Variants in CLVS1 observed in about 807,000 individuals in gnomAD.
CLVS1 encodes the protein clavesin-1.
Under a neutral mutation model 33.1 loss-of-function variants are expected in CLVS1, and 10 were observed. The observed-to-expected ratio is 0.30, with a 90% confidence interval of 0.19 to 0.51. The LOEUF is 0.51. Ranked by LOEUF, CLVS1 falls within the 20% of genes least tolerant of loss-of-function variation. CLVS1 has a pLI of 0.97. For synonymous variants in CLVS1, 163 were observed against 166.1 expected (o/e 0.98, Z 0.14); for missense variants, 343 against 433.4 (o/e 0.79, Z 1.85).
chr8:61,046,425 T>G, the CLVS1 span, among the ~76,000 whole-genome samples: 1 of 147,030 alleles, frequency 6.8e-6, no homozygotes, highest in Non-Finnish European at 1.5e-5. Context: ...GGTAGTGTGA[T>G]GCCTCCAGCT....
chr8:61,499,716 G>C lies in CLVS1; in HGVS notation c.*174G>C. The C allele has an allele frequency of 2.3e-6, 1 of 442,562 alleles. No homozygotes were observed. The highest frequency in any genetic ancestry group is 4.1e-6 in the Non-Finnish European group (1 of 244,408). The allele number at this position is 442,562 out of a possible 1,614,324, so 27.4% of individuals were successfully genotyped here. ...CCATCGGTCTGAGCAGCCAAAGTTGGACAAAGACTTGAGAGATGCTTTTTT... is the reference window on the plus strand; with the variant it reads ...CCATCGGTCTGAGCAGCCAAAGTTGCACAAAGACTTGAGAGATGCTTTTTT... On this transcript the variant is annotated 3_prime_UTR_variant, in exon 6 of 6. Transcript: ENST00000325897.
chr8:61,124,259 A>G (rs1805932283), intron 1 of CLVS1, among the ~76,000 whole-genome samples: 1 of 152,212 alleles, frequency 6.6e-6, no homozygotes, highest in Admixed American at 6.5e-5. Flanking sequence ...CGAGGAATAT[A>G]TATAACCAAA....
At chr8:61,253,570 G>A (rs1808999462) in intron 2 of CLVS1, among the ~76,000 whole-genome samples, 1 of 152,184 alleles carries the variant, frequency 6.6e-6, no homozygotes, top group South Asian at 2.1e-4. Flanking sequence ...ATCAGACGTA[G>A]ATTTGGTCTT....
intron 1 of CLVS1, among the ~76,000 whole-genome samples, chr8:61,087,468 C>T (rs189528829): frequency 1.6e-4 from 24 of 152,236 alleles, no homozygotes; most frequent in Admixed American, 3.3e-4. Flanking sequence ...TTCCTCTCCC[C>T]CCTCCTCATG....
intron 2 of CLVS1, among the ~76,000 whole-genome samples, chr8:61,303,987 T>C (rs16927165): frequency 0.023 from 3,512 of 152,296 alleles, 136 homozygotes; most frequent in African/African-American, 0.077. Context: ...GGGCAATGAA[T>C]GTGAACTACG....
At chr8:61,232,367 G>A (rs766334113) in intron 2 of CLVS1, among the ~76,000 whole-genome samples, 6 of 152,082 alleles carry the variant, frequency 3.9e-5, no homozygotes, top group Non-Finnish European at 7.4e-5. Context: ...TTAAGGTACA[G>A]TTTGCACAGG....
At chr8:61,484,637 A>T (rs1211213369) in intron 5 of CLVS1, among the ~76,000 whole-genome samples, 2 of 152,314 alleles carry the variant, frequency 1.3e-5, no homozygotes, top group African/African-American at 2.4e-5. Flanking sequence ...CATTGCCAAG[A>T]CAATCCTAAC....
At chr8:61,492,537 T>C (rs1804130113) in intron 5 of CLVS1, among the ~76,000 whole-genome samples, 1 of 152,176 alleles carries the variant, frequency 6.6e-6, no homozygotes, top group African/African-American at 2.4e-5. Flanking sequence ...GGGGTCTTTC[T>C]TCTTTGTTAC....
intron 2 of CLVS1, among the ~76,000 whole-genome samples, chr8:61,256,363 A>G (rs1809081950): frequency 1.3e-5 from 2 of 152,204 alleles, no homozygotes; most frequent in Non-Finnish European, 2.9e-5. Flanking sequence ...AAATACAAAA[A>G]TTAGCCGGGC....
chr8:61,077,728 T>A (rs80237009), intron 1 of CLVS1, among the ~76,000 whole-genome samples: 3 of 149,404 alleles, frequency 2.0e-5, no homozygotes, highest in Non-Finnish European at 3.0e-5. Flanking sequence ...CCAGGATTTT[T>A]AAATAGGTGC....
chr8:61,456,668 GC>G (rs1817169749), intron 4 of CLVS1, among the ~76,000 whole-genome samples: 1 of 152,056 alleles, frequency 6.6e-6, no homozygotes, highest in Non-Finnish European at 1.5e-5. Context: ...TGTAATCCCA[GC>G]ACTTTGGGAG....
At chr8:61,495,185 T>G (rs556603424) in intron 5 of CLVS1, among the ~76,000 whole-genome samples, 18 of 152,228 alleles carry the variant, frequency 1.2e-4, no homozygotes, top group African/African-American at 4.1e-4. Flanking sequence ...GAAAGATAAT[T>G]TTTTTCTTCA....
chr8:61,047,505 C>A, the CLVS1 span, among the ~76,000 whole-genome samples: 2 of 152,122 alleles, frequency 1.3e-5, no homozygotes, highest in Non-Finnish European at 2.9e-5. Flanking sequence ...ATGTTTATTG[C>A]GGCACTATTC....
chr8:61,411,566 G>T (rs1363643498), intron 3 of CLVS1, among the ~76,000 whole-genome samples: 1 of 152,142 alleles, frequency 6.6e-6, no homozygotes, highest in Non-Finnish European at 1.5e-5. Context: ...CAGCTCTCCA[G>T]GACTAGTAAT....
intron 2 of CLVS1, among the ~76,000 whole-genome samples, chr8:61,250,130 G>C (rs1808903516): frequency 6.6e-6 from 1 of 152,038 alleles, no homozygotes; most frequent in Admixed American, 6.6e-5. Context: ...TCCGTTTTCT[G>C]CATAGGGCTA....
At chr8:61,254,314 G>T (rs986116270) in intron 2 of CLVS1, among the ~76,000 whole-genome samples, 3 of 152,228 alleles carry the variant, frequency 2.0e-5, no homozygotes, top group Admixed American at 6.5e-5. Flanking sequence ...GCTGTGTGAG[G>T]TGTCAGTCTG....
chr8:61,298,851 A>G (rs1810318014), intron 1 of CLVS1, among the ~76,000 whole-genome samples: 1 of 152,222 alleles, frequency 6.6e-6, no homozygotes, highest in Non-Finnish European at 1.5e-5. Context: ...TATCATTATC[A>G]TAAGTAAAAC....
intron 2 of CLVS1, among the ~76,000 whole-genome samples, chr8:61,267,332 G>GT (rs1809330454): frequency 6.6e-6 from 1 of 151,858 alleles, no homozygotes; most frequent in Admixed American, 6.6e-5. Context: ...TATAAATCTT[G>GT]TATCTAAATT....
chr8:61,232,490 A>C (rs1808468929), intron 2 of CLVS1, among the ~76,000 whole-genome samples: 1 of 152,196 alleles, frequency 6.6e-6, no homozygotes, highest in African/African-American at 2.4e-5. Context: ...AACCAGGCTC[A>C]AAATAAAATC....
Sources: allele counts gnomAD v4.1 joint callset (sites outside exome capture counted in the v4.1 genomes callset), GRCh38; gene constraint gnomAD v4.1.1; transcripts MANE v1.5; gene names NCBI Gene and HGNC (gene_info 2026-07-23, HGNC 2026-07-21).